Variants in ANO2 observed in about 807,000 individuals in gnomAD.
ANO2 encodes the protein anoctamin-2.
ANO2 carries 101 observed loss-of-function variants against 124.2 expected under a neutral mutation model. That is an observed-to-expected ratio of 0.81 (90% CI 0.69 to 0.96). The LOEUF is 0.96. Among genes scored for constraint, ANO2 ranks in the 40% least tolerant of loss-of-function variants. ANO2 has a pLI of 0.00. For missense variants in ANO2, 1,293 were observed against 1,274.5 expected (o/e 1.01, Z -0.22); for synonymous variants, 486 against 482.5 (o/e 1.01, Z -0.09).
intron 20 of ANO2, among the ~76,000 whole-genome samples, chr12:5,595,207 GT>G (rs975014856): frequency 4.0e-5 from 6 of 151,722 alleles, no homozygotes; most frequent in African/African-American, 7.2e-5. Context: ...TTTTGTTTTT[GT>G]TTTTTTTAGA....
chr12:5,891,495 G>C (rs1466557385), intron 3 of ANO2, among the ~76,000 whole-genome samples: 2 of 152,200 alleles, frequency 1.3e-5, no homozygotes, highest in Non-Finnish European at 2.9e-5. Flanking sequence ...GGATGGCAAA[G>C]AGGGTCTCAG....
chr12:5,921,735 G>A (rs893637546), intron 2 of ANO2, among the ~76,000 whole-genome samples: 5 of 152,062 alleles, frequency 3.3e-5, no homozygotes, highest in African/African-American at 1.2e-4. Context: ...AGCACCTGCA[G>A]ATGCACACGC....
At chr12:5,754,129 G>T (rs1004777213) in intron 10 of ANO2, among the ~76,000 whole-genome samples, 3 of 151,832 alleles carry the variant, frequency 2.0e-5, no homozygotes, top group African/African-American at 7.3e-5. Context: ...TTTTTAATTT[G>T]TTGAGAATTT....
At position 5,937,609 on chromosome 12, in the gene ANO2, T is replaced by A. The variant is rs377683282; in HGVS notation, c.22+7587A>T. 1.7e-3 allele frequency among the ~76,000 whole-genome samples: 266 copies of A among 152,362 alleles called. 7 individuals carry two copies. In the South Asian group the frequency reaches 0.045, roughly 26 times the overall value. Reference sequence around the variant, plus strand: ...TTTATGGTATACTGGACATTGTGAATGATAAAACATTATCTTCCTATCGAG... The same window carrying A: ...TTTATGGTATACTGGACATTGTGAAAGATAAAACATTATCTTCCTATCGAG... On this transcript the variant is annotated intron_variant, in intron 1 of 24. Coordinates refer to ENST00000682330, the MANE Select transcript of ANO2 (RefSeq NM_001364791.2).
intron 14 of ANO2, among the ~76,000 whole-genome samples, chr12:5,686,487 C>T (rs950916827): frequency 6.6e-6 from 1 of 152,184 alleles, no homozygotes; most frequent in African/African-American, 2.4e-5. Flanking sequence ...AAACAGACTC[C>T]TACTGTTAAG....
intron 1 of ANO2, among the ~76,000 whole-genome samples, chr12:5,943,794 TC>T (rs2136329670): frequency 1.3e-5 from 2 of 152,294 alleles, no homozygotes; most frequent in African/African-American, 4.8e-5. Flanking sequence ...GATGGGCTTC[TC>T]TCAGCCCACA....
intron 14 of ANO2, among the ~76,000 whole-genome samples, chr12:5,650,842 G>A (rs1224207790): frequency 2.0e-5 from 3 of 152,168 alleles, no homozygotes; most frequent in Admixed American, 1.3e-4. Context: ...TAATTTATGT[G>A]CCCTATCTGC....
At chr12:5,887,194 G>C (rs1938981903) in intron 3 of ANO2, among the ~76,000 whole-genome samples, 1 of 151,992 alleles carries the variant, frequency 6.6e-6, no homozygotes, top group South Asian at 2.1e-4. Flanking sequence ...TTTTAAAGCA[G>C]AGAGGAATAA....
chr12:5,694,251 CAGAGAGAGAGAGAG>C (rs5796182), intron 14 of ANO2, among the ~76,000 whole-genome samples: 5 of 133,882 alleles, frequency 3.7e-5, no homozygotes, highest in Non-Finnish European at 4.6e-5. Context: ...TTACCAGAGA[CAGAGAGAGAGAGAG>C]AGAGAGAGAG....
At chr12:5,799,182 C>CT (rs1301685972) in intron 10 of ANO2, among the ~76,000 whole-genome samples, 1 of 152,244 alleles carries the variant, frequency 6.6e-6, no homozygotes, top group Non-Finnish European at 1.5e-5. Flanking sequence ...AGGTTCTTCT[C>CT]TAGGACAAGA....
intron 19 of ANO2, among the ~76,000 whole-genome samples, chr12:5,608,243 G>T (rs1944314352): frequency 1.3e-5 from 2 of 150,576 alleles, no homozygotes; most frequent in South Asian, 2.1e-4. Flanking sequence ...TGAGTTGAAG[G>T]GGTCTGATTT....
intron 9 of ANO2, among the ~76,000 whole-genome samples, chr12:5,802,171 C>T (rs1373337338): frequency 6.6e-6 from 1 of 152,214 alleles, no homozygotes; most frequent in Non-Finnish European, 1.5e-5. Flanking sequence ...GAGCTGACCT[C>T]AGAAGCCTTT....
chr12:5,799,479 C>T (rs1409176045), intron 10 of ANO2, 28 bp downstream of exon 10: 16 of 1,597,256 alleles, frequency 1.0e-5, no homozygotes, highest in Non-Finnish European at 1.4e-5. Flanking sequence ...CTCCAGGATA[C>T]TTCCAAAAGT....
chr12:5,677,009 A>G (rs532808603), intron 14 of ANO2, among the ~76,000 whole-genome samples: 1 of 152,272 alleles, frequency 6.6e-6, no homozygotes, highest in East Asian at 1.9e-4. Context: ...AGCCAAGATC[A>G]TATCACTACA....
rs746426950 is a variant in ANO2 at position 5,599,643 on chromosome 12, G to A, written c.2088-14C>T. 4 of 1,612,442 alleles carry A rather than the reference G, an allele frequency of 2.5e-6. No homozygotes were observed. The highest frequency in any genetic ancestry group is 1.7e-5 in the Admixed American group (1 of 59,630). The stretch of plus-strand genomic sequence containing the variant: ...TTCTTTAGCTTCCTGGAAAAGAAAT[G>A]GATTAAGTTACAAAAAGCCTCTGGA... On this transcript the variant is annotated splice_polypyrimidine_tract_variant and intron_variant, in intron 19 of 24. Coordinates refer to ENST00000682330, the MANE Select transcript of ANO2 (RefSeq NM_001364791.2).
chr12:5,945,195 C>A lies in ANO2; in HGVS notation c.22+1G>T. ...GGACCAGGTCCAGCCGGAAAACTCA[C>A]CGCGCGGCCCGGGAGTCGCCATGAT... On this transcript the variant is annotated splice_donor_variant, in intron 1 of 24. Transcript: ENST00000682330. LOFTEE classifies it high-confidence loss of function. The A allele has an allele frequency of 7.8e-7, 1 of 1,288,852 alleles. No homozygotes were observed. Among genetic ancestry groups the A allele is most frequent in the Non-Finnish European group, 1.0e-6 (1 of 988,310 alleles). 79.8% of individuals were successfully genotyped at this position (1,288,852 alleles called of 1,614,324 possible). A position where few individuals can be genotyped will look rare whatever the true frequency, so the allele number is the denominator to read the frequency against.
chr12:5,922,884 G>A (rs1003019022), intron 1 of ANO2, 80 bp from the exon 2 acceptor site: 3 of 1,347,374 alleles, frequency 2.2e-6, no homozygotes, highest in African/African-American at 3.0e-5. Context: ...AGTGTACTCA[G>A]ACACTAGCCC....
intron 10 of ANO2, among the ~76,000 whole-genome samples, chr12:5,758,707 C>G (rs1237148840): frequency 6.6e-6 from 1 of 152,182 alleles, no homozygotes; most frequent in East Asian, 1.9e-4. Context: ...ACAACAAAAC[C>G]TCACTCAACT....
rs115999828 is a variant in ANO2 at position 5,710,669 on chromosome 12, G to A, written c.1545+21851C>T. Among the ~76,000 whole-genome samples, 1,039 of 152,286 alleles carry A rather than the reference G, an allele frequency of 6.8e-3. 11 individuals carry two copies. The highest frequency in any genetic ancestry group is 0.024 in the African/African-American group (1,011 of 41,554). On this transcript the variant is annotated intron_variant, in intron 14 of 24. Coordinates refer to ENST00000682330, the MANE Select transcript of ANO2 (RefSeq NM_001364791.2). Reference sequence around the variant, plus strand: ...ATCCAGGCCTATGGATAAGGAAATAGCACACAGTAGGGCCACATGAATCAT... The same window carrying A: ...ATCCAGGCCTATGGATAAGGAAATAACACACAGTAGGGCCACATGAATCAT...
Sources: allele counts gnomAD v4.1 joint callset (sites outside exome capture counted in the v4.1 genomes callset), GRCh38; gene constraint gnomAD v4.1.1; transcripts MANE v1.5; gene names NCBI Gene and HGNC (gene_info 2026-07-23, HGNC 2026-07-21).